Variants in TBL1X observed in about 807,000 individuals in gnomAD.
TBL1X encodes transducin beta like 1 X-linked.
A neutral mutation model predicts 50.7 loss-of-function variants in TBL1X; 10 were observed. The observed-to-expected ratio is 0.20, with a 90% CI of 0.12 to 0.33. TBL1X has a LOEUF of 0.33. TBL1X is among the 10% of genes least tolerant of loss of function. The pLI is 1.00. For synonymous variants in TBL1X, 190 were observed against 214.7 expected (o/e 0.88, Z 1.01); for missense variants, 340 against 504.4 (o/e 0.67, Z 3.12).
At chrX:9,610,347 T>C (rs1291585935) in intron 2 of TBL1X, among the ~76,000 whole-genome samples, 1 of 112,928 alleles carries the variant, frequency 8.9e-6, no homozygotes. Context: ...AATAACGGAT[T>C]ATTTTTTAAT....
intron 2 of TBL1X, among the ~76,000 whole-genome samples, chrX:9,543,486 T>C (rs1294828069): frequency 1.0e-5 from 1 of 98,817 alleles, no homozygotes; most frequent in Non-Finnish European, 2.1e-5. Context: ...CCCTCCTCCC[T>C]CTTGCTGGCT....
chrX:9,521,759 A>G (rs1287123106), intron 2 of TBL1X, among the ~76,000 whole-genome samples: 3 of 111,524 alleles, frequency 2.7e-5, no homozygotes, highest in African/African-American at 9.8e-5. Context: ...TTTATTGAAA[A>G]AAATCCGTGT....
At chrX:9,584,938 A>G (rs1172458082) in intron 2 of TBL1X, among the ~76,000 whole-genome samples, 2 of 111,297 alleles carry the variant, frequency 1.8e-5, no homozygotes, top group African/African-American at 6.6e-5. Flanking sequence ...AACATTGTGA[A>G]TGCCCCCAAA....
intron 1 of TBL1X, among the ~76,000 whole-genome samples, chrX:9,474,171 A>T (rs1482533958): frequency 8.8e-6 from 1 of 113,317 alleles, no homozygotes; most frequent in African/African-American, 3.2e-5. Context: ...CTTGTAAAAA[A>T]TATATTTCTT....
At chrX:9,621,803 G>A (rs776388652) in intron 2 of TBL1X, among the ~76,000 whole-genome samples, 1 of 111,826 alleles carries the variant, frequency 8.9e-6, no homozygotes, top group Non-Finnish European at 1.9e-5. Context: ...CTGCTGCCAC[G>A]TAGCTCAGTT....
At chrX:9,570,344 G>A (rs1181959738) in intron 2 of TBL1X, among the ~76,000 whole-genome samples, 3 of 111,801 alleles carry the variant, frequency 2.7e-5, no homozygotes, top group Non-Finnish European at 5.6e-5. Flanking sequence ...TCCACTTCCC[G>A]TGCTCTCAAG....
chrX:9,662,506 G>C (rs1051376327), intron 5 of TBL1X, among the ~76,000 whole-genome samples: 1 of 112,225 alleles, frequency 8.9e-6, no homozygotes, highest in Admixed American at 9.4e-5. Flanking sequence ...GGGATACCTC[G>C]AGGAGTCTAA....
intron 2 of TBL1X, among the ~76,000 whole-genome samples, chrX:9,536,868 G>T (rs1025926268): frequency 9.0e-6 from 1 of 111,585 alleles, no homozygotes; most frequent in Non-Finnish European, 1.9e-5. Context: ...TTCTCCTCTC[G>T]CACCAAGGCA....
chrX:9,568,886 T>C (rs1182345067), intron 2 of TBL1X, among the ~76,000 whole-genome samples: 2 of 108,009 alleles, frequency 1.9e-5, no homozygotes, highest in African/African-American at 6.8e-5. Context: ...TCTGTGCACC[T>C]TGCTGTGCAT....
intron 2 of TBL1X, among the ~76,000 whole-genome samples, chrX:9,624,331 T>G (rs1363944300): frequency 8.0e-5 from 9 of 112,150 alleles, no homozygotes; most frequent in African/African-American, 2.3e-4. Flanking sequence ...CTCCGTTAGC[T>G]TCTTTCACTT....
At chrX:9,492,870 T>TAG (rs748116139) in intron 1 of TBL1X, among the ~76,000 whole-genome samples, 1 of 52,846 alleles carries the variant, frequency 1.9e-5, no homozygotes, top group African/African-American at 7.6e-5. Flanking sequence ...TGTGTGTGTG[T>TAG]GTGTGTGTGT....
At chrX:9,534,456 C>A in intron 2 of TBL1X, among the ~76,000 whole-genome samples, 1 of 99,126 alleles carries the variant, frequency 1.0e-5, no homozygotes, top group Non-Finnish European at 2.0e-5. Context: ...TAATAAGATG[C>A]ACCTGTTCTT....
chrX:9,489,236 G>C (rs1176063905), intron 1 of TBL1X, among the ~76,000 whole-genome samples: 2 of 110,250 alleles, frequency 1.8e-5, no homozygotes, highest in Non-Finnish European at 3.8e-5. Flanking sequence ...CTGGCTTCCA[G>C]GACTTTGCAG....
chrX:9,589,680 A>G (rs1195218978), intron 2 of TBL1X, among the ~76,000 whole-genome samples: 1 of 111,093 alleles, frequency 9.0e-6, no homozygotes, highest in African/African-American at 3.3e-5. Context: ...TCTAATTGGG[A>G]GTTTTTCTTC....
chrX:9,538,540 G>A (rs2082200207), intron 2 of TBL1X, among the ~76,000 whole-genome samples: 1 of 112,535 alleles, frequency 8.9e-6, no homozygotes, highest in Non-Finnish European at 1.9e-5. Context: ...ATCCTCTGCT[G>A]AAACTTTAGA....
rs2082848106 is a variant in TBL1X at position 9,653,580 on chromosome X, A to G, written c.-7A>G. On this transcript the variant is annotated 5_prime_UTR_variant, in exon 4 of 18. The change abolishes an upstream ATG in the 5' untranslated region. Coordinates refer to ENST00000645353, the MANE Select transcript of TBL1X (RefSeq NM_005647.4). ...CTCCTTGCAGAAACATCGAGGTGAC[A>G]TGTAGCATGACCGAGCTCGCTGGCG... 8.6e-7 allele frequency: 1 copy of G among 1,165,323 alleles called. No individual in the cohort carries two copies. The highest frequency in any genetic ancestry group is 2.6e-5 in the Admixed American group (1 of 38,622).
chrX:9,466,021 C>G (rs886749320), intron 1 of TBL1X, among the ~76,000 whole-genome samples: 1 of 113,118 alleles, frequency 8.8e-6, no homozygotes, highest in Non-Finnish European at 1.9e-5. Flanking sequence ...TTCTGACGCG[C>G]AGAAACTGTC....
chrX:9,719,542 T>A lies in TBL1X; in HGVS notation c.*3296T>A, dbSNP rs2083297755. On this transcript the variant is annotated 3_prime_UTR_variant, in exon 18 of 18. Coordinates refer to ENST00000645353, the MANE Select transcript of TBL1X (RefSeq NM_005647.4). The stretch of plus-strand genomic sequence containing the variant: ...TCTGTGTCAGACGTACAGCCAGACA[T>A]GTTCTCTATTGGCATTTTTCCGATT... The A allele has an allele frequency of 9.0e-6, 1 of 111,649 alleles. No homozygotes were observed. Among genetic ancestry groups the A allele is most frequent in the East Asian group, 2.8e-4 (1 of 3,557 alleles). 9.2% of individuals were successfully genotyped at this position (111,649 alleles called of 1,213,427 possible). A position where few individuals can be genotyped will look rare whatever the true frequency, so the allele number is the denominator to read the frequency against.
intron 2 of TBL1X, among the ~76,000 whole-genome samples, chrX:9,600,054 T>C (rs1455526314): frequency 8.9e-6 from 1 of 111,853 alleles, no homozygotes; most frequent in Non-Finnish European, 1.9e-5. Context: ...GCTGTATCTC[T>C]TTCAGTTGGA....
Sources: gnomAD v4.1 joint callset for allele counts (sites outside exome capture counted in the v4.1 genomes callset) on GRCh38, gnomAD v4.1.1 for gene constraint, MANE v1.5 for transcripts, NCBI Gene and HGNC (gene_info 2026-07-23, HGNC 2026-07-21) for gene names.